The following CENATAC variants were observed in gnomAD, a reference collection of about 807,000 sequenced individuals.
CENATAC encodes coiled-coil domain containing 84.
Under a neutral mutation model 53.7 loss-of-function variants are expected in CENATAC, and 53 were observed. The observed-to-expected ratio is 0.99, with a 90% confidence interval of 0.79 to 1.24. The LOEUF is 1.24. Among genes scored for constraint, CENATAC ranks in the 50% most tolerant of loss-of-function variants. CENATAC has a pLI of 0.00. For synonymous variants in CENATAC, 156 were observed against 144.6 expected, an observed-to-expected ratio of 1.08 and a Z score of -0.57; for missense variants, 474 against 417.8, an observed-to-expected ratio of 1.13 and a Z score of -1.17.
intron 3 of CENATAC, among the ~76,000 whole-genome samples, chr11:119,002,224 CAAAAAAAAAAAAAAAAAAAA>C (rs782664366): frequency 1.2e-4 from 6 of 49,536 alleles, no homozygotes; most frequent in Non-Finnish European, 1.9e-4. Flanking sequence ...AACTCTGTCT[CAAAAAAAAAAAAAAAAAAAA>C]AAAAGAAACT....
intron 4 of CENATAC, 63 bp from the exon 5 acceptor site, chr11:119,011,158 A>T (rs1053109669): frequency 2.2e-6 from 3 of 1,394,434 alleles, no homozygotes; most frequent in Non-Finnish European, 3.0e-6. Flanking sequence ...AGTTAAAGGA[A>T]AGGCCTCTGA....
At chr11:119,012,307 A>G in intron 7 of CENATAC, 53 bp downstream of exon 7, 1 of 1,586,706 alleles carries the variant, frequency 6.3e-7, no homozygotes, top group Non-Finnish European at 8.6e-7. Flanking sequence ...AGGTCTCAGG[A>G]CCCCTTTCTC....
At chr11:119,001,862 T>C (rs1240374608) in intron 3 of CENATAC, 2 of 320,984 alleles carry the variant, frequency 6.2e-6, no homozygotes, top group Non-Finnish European at 6.3e-6. Flanking sequence ...TTTGAGGCCA[T>C]CCTGGGCAGT....
In CENATAC at chr11:119,011,216, C is replaced by G; in HGVS notation, c.451-5C>G. 6.2e-7 allele frequency: 1 copy of G among 1,613,664 alleles called. No individual in the cohort carries two copies. The highest frequency in any genetic ancestry group is 1.3e-5 in the African/African-American group (1 of 75,016). On this transcript the variant is annotated splice_polypyrimidine_tract_variant and splice_region_variant and intron_variant, in intron 4 of 10. Transcript: ENST00000334418. ...GTACCTGTCTAAGCAGCCTCTCTCC[C>G]ACAGATGGCAGCTCAGATCCGTGAG... is the stretch of plus-strand genomic sequence containing the variant.
Position 118,998,519 on chromosome 11 carries a change from CTG to C in CENATAC, c.213_214del (p.Cys71Ter). 6.2e-7 allele frequency: 1 copy of C among 1,609,326 alleles called. No individual in the cohort carries two copies. Among genetic ancestry groups the C allele is most frequent in the South Asian group, 1.1e-5 (1 of 90,234 alleles). On this transcript the variant is annotated frameshift_variant, in exon 2 of 11. Coordinates refer to ENST00000334418, the MANE Select transcript of CENATAC (RefSeq NM_198489.3). LOFTEE classifies it high-confidence loss of function. ...ERCCWCLCCGCEVREHLSHGN... is the reference protein window; with the variant it reads ...ERCCWCLCCGXEVREHLSHGN... ...GATGCTGCTGGTGCCTGTGCTGCGG[CTG>C]TGAGGTGCGGGAACACCTGAGCCAT...
intron 3 of CENATAC, among the ~76,000 whole-genome samples, chr11:119,002,411 T>C (rs1942353214): frequency 6.7e-6 from 1 of 150,262 alleles, no homozygotes; most frequent in Non-Finnish European, 1.5e-5. Context: ...CAATCTCAGC[T>C]CACTGCAACC....
intron 3 of CENATAC, among the ~76,000 whole-genome samples, chr11:119,007,483 TTTTATTTA>T (rs989712543): frequency 9.9e-5 from 15 of 151,860 alleles, no homozygotes; most frequent in African/African-American, 3.6e-4. Flanking sequence ...AATCTGGCCT[TTTTATTTA>T]TTTATTTATT....
chr11:119,007,471 C>A (rs1451619412), intron 3 of CENATAC, among the ~76,000 whole-genome samples: 1 of 151,994 alleles, frequency 6.6e-6, no homozygotes, highest in Non-Finnish European at 1.5e-5. Flanking sequence ...TGTGAACCAC[C>A]TAATCTGGCC....
rs782589885 is a variant in CENATAC, at chr11:118,998,305, G to A, written c.108G>A (p.Arg36=). 5 of 1,608,382 alleles carry A rather than the reference G, an allele frequency of 3.1e-6. No homozygotes were observed. Among genetic ancestry groups the A allele is most frequent in the Non-Finnish European group, 4.2e-6 (5 of 1,177,540 alleles). ...GGCAGCTGAAGGAGGCTTTGGAGAG[G>A]CTCCTGCCCCAGGTGCGGAGGCAAG... ...HQRQLKEALE[R]LLPQVEAARK... is the part of the protein sequence containing the mutation. Residue 36 remains arginine (R), a synonymous_variant, in exon 1 of 11, where the codon AGG becomes AGA. Coordinates refer to ENST00000334418, the MANE Select transcript of CENATAC (RefSeq NM_198489.3).
At chr11:119,001,603 A>C (rs1942300855) in intron 3 of CENATAC, 1 of 454,496 alleles carries the variant, frequency 2.2e-6, no homozygotes, top group Non-Finnish European at 4.4e-6. Flanking sequence ...AATTTTTTCC[A>C]TATTTCTAGG....
In CENATAC at chr11:118,998,917, C is replaced by T; in HGVS notation, c.285-94C>T. The stretch of plus-strand genomic sequence containing the variant: ...CTCTCAGCCGTGCCCCAGGCAGAAA[C>T]CCAGATGTCAGTTTGCATTACAAAC... On this transcript the variant is annotated intron_variant, in intron 2 of 10. Coordinates refer to ENST00000334418, the MANE Select transcript of CENATAC (RefSeq NM_198489.3). 6.2e-6 allele frequency: 6 copies of T among 961,166 alleles called. No individual in the cohort carries two copies. In the South Asian group the frequency reaches 8.6e-5, roughly 14 times the overall value. 59.5% of individuals were successfully genotyped at this position (961,166 alleles called of 1,614,324 possible). A position where few individuals can be genotyped will look rare whatever the true frequency, so the allele number is the denominator to read the frequency against.
At chr11:119,013,645 A>G (rs1220169810) in intron 8 of CENATAC, among the ~76,000 whole-genome samples, 2 of 151,636 alleles carry the variant, frequency 1.3e-5, no homozygotes, top group African/African-American at 4.8e-5. Context: ...TTGTATTTTC[A>G]GTAGAGACGG....
intron 4 of CENATAC, 87 bp downstream of exon 4, chr11:119,010,917 G>C: frequency 8.3e-7 from 1 of 1,201,468 alleles, no homozygotes; most frequent in Non-Finnish European, 1.2e-6. Context: ...ACCCAGGCAG[G>C]GGATGGTTTC....
intron 3 of CENATAC, among the ~76,000 whole-genome samples, chr11:119,006,426 C>T (rs1294382969): frequency 3.9e-5 from 6 of 151,990 alleles, no homozygotes; most frequent in African/African-American, 7.2e-5. Flanking sequence ...TTAGTAGAGA[C>T]GGGGTTTCAC....
At chr11:118,998,978 A>G in intron 2 of CENATAC, 33 bp from the exon 3 acceptor site, 1 of 1,456,486 alleles carries the variant, frequency 6.9e-7, no homozygotes, top group Non-Finnish European at 9.6e-7. Context: ...TTTATAATCT[A>G]TAGCTGAGAT....
intron 8 of CENATAC, 84 bp from the exon 9 acceptor site, chr11:119,014,910 G>A: frequency 2.3e-6 from 2 of 880,396 alleles, no homozygotes; most frequent in South Asian, 3.4e-5. Flanking sequence ...TCTTAATGAG[G>A]AGAGGTAAGC....
chr11:119,014,049 A>G (rs1943012430), intron 8 of CENATAC: 5 of 152,220 alleles, frequency 3.3e-5, no homozygotes. Context: ...AAACTGGTAC[A>G]GTCACTTTGG....
chr11:119,007,904 T>G (rs561525488), intron 3 of CENATAC, among the ~76,000 whole-genome samples: 1 of 152,318 alleles, frequency 6.6e-6, no homozygotes, highest in African/African-American at 2.4e-5. Context: ...AGATGGTTTC[T>G]TACATAGACA....
intron 3 of CENATAC, 43 bp from the exon 4 acceptor site, chr11:119,010,721 G>T (rs368132811): frequency 6.4e-7 from 1 of 1,563,506 alleles, no homozygotes; most frequent in Non-Finnish European, 8.8e-7. Context: ...GTTTTAACTG[G>T]TGGGGAATGG....
Sources: allele counts gnomAD v4.1 joint callset (sites outside exome capture counted in the v4.1 genomes callset), GRCh38; gene constraint gnomAD v4.1.1; transcripts MANE v1.5; gene names NCBI Gene and HGNC (gene_info 2026-07-23, HGNC 2026-07-21).